The following SP140L variants were observed in gnomAD, a reference collection of about 807,000 sequenced individuals.
The protein encoded by SP140L is SP140 like nuclear body protein.
In SP140L, 64 loss-of-function variants were observed where a neutral mutation model predicts 84.3. The observed-to-expected ratio is 0.76, with a 90% CI of 0.62 to 0.94. The LOEUF is 0.94. SP140L is among the 40% of genes least tolerant of loss of function. SP140L has a pLI of 0.00. For synonymous variants in SP140L, 242 were observed against 236.9 expected (o/e 1.02, Z -0.20); for missense variants, 628 against 692.5 (o/e 0.91, Z 1.05).
Position 230,393,466 on chromosome 2 carries a change from T to C in SP140L, c.1155+5T>C. 6.4e-7 allele frequency: 1 copy of C among 1,568,990 alleles called. No individual in the cohort carries two copies. Among genetic ancestry groups the C allele is most frequent in the Non-Finnish European group, 8.6e-7 (1 of 1,159,906 alleles). Reference sequence around the variant, plus strand: ...ATATATTACAGGAACAAAAAGGTGATTATTACATAATTTTCTACAGATTCT... The same window carrying C: ...ATATATTACAGGAACAAAAAGGTGACTATTACATAATTTTCTACAGATTCT... On this transcript the variant is annotated splice_donor_5th_base_variant and intron_variant, in intron 13 of 18. Coordinates refer to ENST00000415673, the MANE Select transcript of SP140L (RefSeq NM_138402.6).
intron 2 of SP140L, among the ~76,000 whole-genome samples, chr2:230,344,850 T>C (rs950871813): frequency 3.3e-5 from 5 of 152,242 alleles, no homozygotes; most frequent in Admixed American, 6.5e-5. Flanking sequence ...AATTTCCTCC[T>C]GTTATGGATT....
At chr2:230,347,675 C>T (rs940286109) in intron 2 of SP140L, among the ~76,000 whole-genome samples, 14 of 152,162 alleles carry the variant, frequency 9.2e-5, no homozygotes, top group East Asian at 3.8e-4. Flanking sequence ...CGATTACCTG[C>T]GTGGTCAAGG....
intron 5 of SP140L, among the ~76,000 whole-genome samples, chr2:230,368,716 A>G (rs1430120429): frequency 2.0e-5 from 3 of 151,950 alleles, no homozygotes; most frequent in Non-Finnish European, 4.4e-5. Context: ...TTTCCTCTAC[A>G]TGATTAATTC....
At chr2:230,329,786 C>T (rs2059677187) in intron 2 of SP140L, among the ~76,000 whole-genome samples, 1 of 152,158 alleles carries the variant, frequency 6.6e-6, no homozygotes, top group East Asian at 1.9e-4. Context: ...TCCTTTATAG[C>T]AGTGTCAAAA....
chr2:230,398,306 A>C (rs1029446974), intron 14 of SP140L, among the ~76,000 whole-genome samples: 77 of 152,332 alleles, frequency 5.1e-4, no homozygotes, highest in African/African-American at 1.7e-3. Context: ...TTAGCATTTT[A>C]TATACTCTCC....
chr2:230,357,590 G>C (rs1012271280), intron 2 of SP140L, among the ~76,000 whole-genome samples: 1 of 152,068 alleles, frequency 6.6e-6, no homozygotes, highest in Non-Finnish European at 1.5e-5. Flanking sequence ...GGCTTTTTCA[G>C]TGCCCTCTAT....
chr2:230,373,957 C>T (rs1003008957), intron 7 of SP140L, among the ~76,000 whole-genome samples: 14 of 152,118 alleles, frequency 9.2e-5, no homozygotes, highest in Non-Finnish European at 1.8e-4. Context: ...TTATTGATGA[C>T]TTTGATGGGT....
At chr2:230,372,200 A>G (rs58760809) in intron 7 of SP140L, 3,927 of 154,996 alleles carry the variant, frequency 0.025, 184 homozygotes, top group African/African-American at 0.089. Flanking sequence ...GTTGTTTTAA[A>G]CCACTAAATT....
At chr2:230,388,471 T>C in intron 9 of SP140L, 88 bp from the exon 10 acceptor site, 1 of 1,110,642 alleles carries the variant, frequency 9.0e-7, no homozygotes, top group African/African-American at 1.6e-5. Flanking sequence ...TTTGGAAAGT[T>C]ACATTTAAAT....
chr2:230,367,291 T>C (rs2060912430), intron 5 of SP140L, among the ~76,000 whole-genome samples: 2 of 107,034 alleles, frequency 1.9e-5, no homozygotes, highest in South Asian at 8.1e-4. Flanking sequence ...TCTTTCTTTT[T>C]TTTCTTTTTT....
intron 4 of SP140L, among the ~76,000 whole-genome samples, chr2:230,360,838 T>C (rs538211812): frequency 3.9e-4 from 60 of 152,334 alleles, no homozygotes; most frequent in African/African-American, 1.3e-3. Flanking sequence ...CTGTGTCCTC[T>C]GTTATGTTTA....
At chr2:230,363,681 G>A (rs1377532239) in intron 5 of SP140L, among the ~76,000 whole-genome samples, 3 of 151,876 alleles carry the variant, frequency 2.0e-5, no homozygotes, top group East Asian at 1.9e-4. Flanking sequence ...GTTTGATGTA[G>A]TCTCACTTCT....
chr2:230,358,908 C>T, intron 3 of SP140L, 56 bp from the exon 4 acceptor site: 2 of 1,431,722 alleles, frequency 1.4e-6, no homozygotes, highest in Non-Finnish European at 1.9e-6. Context: ...GTTTTTATGG[C>T]TCTTCTGTAA....
intron 1 of SP140L, among the ~76,000 whole-genome samples, 167 bp downstream of exon 1, chr2:230,327,468 T>G (rs977081453): frequency 1.1e-4 from 16 of 152,222 alleles, no homozygotes; most frequent in Non-Finnish European, 1.3e-4. Context: ...GGAAATCAGA[T>G]TTTTACAACT....
At chr2:230,386,081 G>C (rs1299832892) in intron 9 of SP140L, among the ~76,000 whole-genome samples, 1 of 152,206 alleles carries the variant, frequency 6.6e-6, no homozygotes. Context: ...GGAGGGGTCA[G>C]GCATCACAGC....
chr2:230,384,573 C>T (rs939676370), intron 8 of SP140L, among the ~76,000 whole-genome samples: 5 of 152,160 alleles, frequency 3.3e-5, no homozygotes, highest in Non-Finnish European at 7.3e-5. Context: ...TGTGGATGTA[C>T]ATTTGTGTTT....
chr2:230,399,588 C>G (rs568206681), intron 14 of SP140L, among the ~76,000 whole-genome samples: 1 of 152,306 alleles, frequency 6.6e-6, no homozygotes, highest in South Asian at 2.1e-4. Context: ...TGGTCCTTCC[C>G]CCTCAAAGGT....
intron 9 of SP140L, among the ~76,000 whole-genome samples, chr2:230,385,835 T>C (rs1559451246): frequency 6.6e-6 from 1 of 152,132 alleles, no homozygotes; most frequent in Non-Finnish European, 1.5e-5. Flanking sequence ...ACACATATAG[T>C]TGGGGGGTGA....
At chr2:230,328,238 G>C (rs2059633515) in intron 1 of SP140L, among the ~76,000 whole-genome samples, 1 of 152,194 alleles carries the variant, frequency 6.6e-6, no homozygotes, top group East Asian at 1.9e-4. Flanking sequence ...CAGTGGAGAA[G>C]TGTATAAACG....
Sources: allele counts gnomAD v4.1 joint callset (sites outside exome capture counted in the v4.1 genomes callset), GRCh38; gene constraint gnomAD v4.1.1; transcripts MANE v1.5; gene names NCBI Gene and HGNC (gene_info 2026-07-23, HGNC 2026-07-21).